Variants in ARHGAP26 observed in about 807,000 individuals in gnomAD.
The protein encoded by ARHGAP26 is rho GTPase-activating protein 26.
Under a neutral mutation model 104.8 loss-of-function variants are expected in ARHGAP26, and 38 were observed. The ratio of observed to expected loss-of-function variants is 0.36; its 90% CI spans 0.28 to 0.48. The LOEUF is 0.48. ARHGAP26 is among the 20% of genes least tolerant of loss of function. ARHGAP26 has a pLI of 0.99. For synonymous variants in ARHGAP26, 341 were observed against 340.0 expected, an observed-to-expected ratio of 1.00 and a Z score of -0.03; for missense variants, 704 against 947.9, an observed-to-expected ratio of 0.74 and a Z score of 3.38.
chr5:143,227,335 G>T lies in ARHGAP26; in HGVS notation c.*4889G>T. 4.3e-6 allele frequency: 1 copy of T among 231,068 alleles called. No individual in the cohort carries two copies. 14.3% of individuals were successfully genotyped at this position (231,068 alleles called of 1,614,324 possible). A position where few individuals can be genotyped will look rare whatever the true frequency, so the allele number is the denominator to read the frequency against. On this transcript the variant is annotated 3_prime_UTR_variant, in exon 23 of 23. Transcript: ENST00000645722. The stretch of plus-strand genomic sequence containing the variant: ...GCCAAAGGAGTTATCTATCATCTCT[G>T]GCAAACTTGACAATCATCACTTACC...
intron 1 of ARHGAP26, among the ~76,000 whole-genome samples, chr5:142,782,182 T>C (rs1757652442): frequency 6.6e-6 from 1 of 152,044 alleles, no homozygotes; most frequent in African/African-American, 2.4e-5. Flanking sequence ...GGAATCGTGG[T>C]GTGTGATGGG....
rs569241375 is a variant in ARHGAP26 at position 143,040,958 on chromosome 5, G to A, written c.1211-858G>A. 2.0e-5 allele frequency among the ~76,000 whole-genome samples: 3 copies of A among 152,344 alleles called. No individual in the cohort carries two copies. In the East Asian group the frequency reaches 5.8e-4, roughly 29 times the overall value. On this transcript the variant is annotated intron_variant, in intron 13 of 22. Transcript: ENST00000645722. ...ATTGGAGGGTTTTAAGAGAAGAGGT[G>A]ATATGAACTAATTTGCACTTTAGAC...
At chr5:143,023,895 T>C (rs1489412706) in intron 12 of ARHGAP26, among the ~76,000 whole-genome samples, 1 of 152,206 alleles carries the variant, frequency 6.6e-6, no homozygotes, top group Non-Finnish European at 1.5e-5. Flanking sequence ...CCCTTTTTCT[T>C]TCCCCTTTCT....
In ARHGAP26 at chr5:142,786,751, A is replaced by G. The variant is rs552913143; in HGVS notation, c.154+15836A>G. Among the ~76,000 whole-genome samples the G allele has an allele frequency of 1.2e-3, 182 of 148,362 alleles. 1 individual carries two copies. The highest frequency in any genetic ancestry group is 2.1e-3 in the Non-Finnish European group (142 of 67,574). On this transcript the variant is annotated intron_variant, in intron 1 of 22. Transcript: ENST00000645722. ...AACCTCCGCCTCCCGGGCTGAAGCAATTCTCCTGCCTCAGCCTCCCGAGTA... is the reference window on the plus strand; with the variant it reads ...AACCTCCGCCTCCCGGGCTGAAGCAGTTCTCCTGCCTCAGCCTCCCGAGTA...
intron 1 of ARHGAP26, among the ~76,000 whole-genome samples, chr5:142,799,803 T>C (rs866065049): frequency 6.6e-6 from 1 of 152,224 alleles, no homozygotes; most frequent in Non-Finnish European, 1.5e-5. Flanking sequence ...GATTACAGCA[T>C]TGATTCATTC....
intron 17 of ARHGAP26, among the ~76,000 whole-genome samples, chr5:143,088,073 T>C (rs17613566): frequency 0.026 from 3,972 of 152,312 alleles, 74 homozygotes; most frequent in Middle Eastern, 0.041. Context: ...CTAAAAGGTC[T>C]CACATAAAGC....
At chr5:143,211,890 A>G (rs1473761410) in intron 21 of ARHGAP26, among the ~76,000 whole-genome samples, 1 of 152,140 alleles carries the variant, frequency 6.6e-6, no homozygotes, top group Non-Finnish European at 1.5e-5. Context: ...TTGCCACTTC[A>G]TTATTCAATT....
intron 1 of ARHGAP26, among the ~76,000 whole-genome samples, chr5:142,834,157 A>G (rs1769085782): frequency 1.3e-5 from 2 of 152,212 alleles, no homozygotes; most frequent in South Asian, 4.1e-4. Flanking sequence ...ATTTTAAACT[A>G]TTTAAATGTA....
intron 1 of ARHGAP26, among the ~76,000 whole-genome samples, chr5:142,830,718 C>A (rs1475680658): frequency 2.0e-5 from 3 of 152,160 alleles, no homozygotes; most frequent in Non-Finnish European, 2.9e-5. Flanking sequence ...GACAGACAGA[C>A]AGATACACAC....
rs200226118 is a variant in ARHGAP26 at position 142,838,032 on chromosome 5, G to A, written c.155-35368G>A. 2.0e-5 allele frequency among the ~76,000 whole-genome samples: 3 copies of A among 152,300 alleles called. No individual in the cohort carries two copies. In the East Asian group the frequency reaches 5.8e-4, roughly 29 times the overall value. ...CTGGCACTTTGAGAAGCCGAGGCAG[G>A]TGGATCACCTGAGGTCAGGGGTTCG... On this transcript the variant is annotated intron_variant, in intron 1 of 22. Coordinates refer to ENST00000645722, the MANE Select transcript of ARHGAP26 (RefSeq NM_001135608.3).
At chr5:143,114,947 A>G (rs558785866) in intron 17 of ARHGAP26, among the ~76,000 whole-genome samples, 2 of 152,156 alleles carry the variant, frequency 1.3e-5, no homozygotes, top group Non-Finnish European at 2.9e-5. Flanking sequence ...TGTTGGTGTC[A>G]TGAAGGCAGA....
chr5:142,785,767 C>T (rs1462060094), intron 1 of ARHGAP26, among the ~76,000 whole-genome samples: 1 of 152,158 alleles, frequency 6.6e-6, no homozygotes, highest in Admixed American at 6.5e-5. Flanking sequence ...CACTAGCAAC[C>T]TTGCATTGTT....
At chr5:143,033,671 G>A (rs988410657) in intron 12 of ARHGAP26, among the ~76,000 whole-genome samples, 6 of 152,122 alleles carry the variant, frequency 3.9e-5, no homozygotes, top group Non-Finnish European at 7.3e-5. Context: ...GCAGAAGTTC[G>A]TCAATGCCTA....
intron 11 of ARHGAP26, among the ~76,000 whole-genome samples, chr5:143,004,370 T>A (rs1392272830): frequency 6.6e-6 from 1 of 152,208 alleles, no homozygotes; most frequent in Non-Finnish European, 1.5e-5. Flanking sequence ...CATCCACCAC[T>A]TGACTCAACT....
intron 17 of ARHGAP26, among the ~76,000 whole-genome samples, chr5:143,106,695 ACTC>A (rs1481671649): frequency 2.6e-5 from 4 of 151,212 alleles, no homozygotes; most frequent in African/African-American, 9.7e-5. Context: ...CTGCTCTCGA[ACTC>A]CTGACCTCAG....
chr5:142,913,690 G>A (rs572418713), intron 10 of ARHGAP26, among the ~76,000 whole-genome samples: 58 of 152,260 alleles, frequency 3.8e-4, no homozygotes, highest in Non-Finnish European at 6.8e-4. Context: ...GAAAAAGTTA[G>A]TATAATGATT....
chr5:142,872,652 T>C (rs1561992058), intron 1 of ARHGAP26, among the ~76,000 whole-genome samples: 1 of 152,258 alleles, frequency 6.6e-6, no homozygotes, highest in Non-Finnish European at 1.5e-5. Flanking sequence ...GATGACTTTT[T>C]AATGATAAGG....
At chr5:142,771,018 G>A (rs1755079483) in intron 1 of ARHGAP26, 103 bp downstream of exon 1, 1 of 1,460,920 alleles carries the variant, frequency 6.8e-7, no homozygotes, top group Admixed American at 2.2e-5. Context: ...TTCTGCTCCC[G>A]GTACACTGGG....
chr5:142,900,255 C>T (rs1760106688), intron 6 of ARHGAP26, among the ~76,000 whole-genome samples: 2 of 152,170 alleles, frequency 1.3e-5, no homozygotes, highest in South Asian at 4.1e-4. Context: ...AAGCCCAAAG[C>T]CTTCGGCCGT....
Sources: gnomAD v4.1 joint callset for allele counts (sites outside exome capture counted in the v4.1 genomes callset) on GRCh38, gnomAD v4.1.1 for gene constraint, MANE v1.5 for transcripts, NCBI Gene and HGNC (gene_info 2026-07-23, HGNC 2026-07-21) for gene names.